The following ROCK1 variants were observed in gnomAD, a reference collection of about 807,000 sequenced individuals.
ROCK1 encodes rho-associated protein kinase 1.
In ROCK1, 36 loss-of-function variants were observed where a neutral mutation model predicts 196.8. That is an observed-to-expected ratio of 0.18 (90% CI 0.14 to 0.24). ROCK1 has a LOEUF of 0.24. Ranked by LOEUF, ROCK1 falls within the 10% of genes least tolerant of loss-of-function variation. The pLI, the probability that ROCK1 is intolerant of heterozygous loss-of-function variation, is 1.00. For missense variants in ROCK1, 920 were observed against 1,562.0 expected, an observed-to-expected ratio of 0.59 and a Z score of 6.93; for synonymous variants, 443 against 515.9, an observed-to-expected ratio of 0.86 and a Z score of 1.91.
chr18:21,045,899 GTTTTTTTTTTTT>G (rs34360056), intron 4 of ROCK1, among the ~76,000 whole-genome samples: 71 of 62,500 alleles, frequency 1.1e-3, no homozygotes, highest in South Asian at 3.9e-3. Context: ...AGTTTCAGCT[GTTTTTTTTTTTT>G]TTTTTTTTTT....
intron 10 of ROCK1, among the ~76,000 whole-genome samples, chr18:21,024,582 C>G (rs1391489217): frequency 6.6e-6 from 1 of 152,108 alleles, no homozygotes; most frequent in Non-Finnish European, 1.5e-5. Flanking sequence ...TACTTCATAG[C>G]TATTGGAGGC....
intron 1 of ROCK1, among the ~76,000 whole-genome samples, chr18:21,105,442 T>C (rs1194037565): frequency 6.6e-6 from 1 of 152,258 alleles, no homozygotes; most frequent in East Asian, 1.9e-4. Context: ...GAGATACAAC[T>C]TTAAGGCTCA....
intron 22 of ROCK1, among the ~76,000 whole-genome samples, chr18:20,975,678 T>C (rs1014812847): frequency 6.6e-6 from 1 of 152,206 alleles, no homozygotes; most frequent in Non-Finnish European, 1.5e-5. Flanking sequence ...TGGCACCATC[T>C]AGGCTCACTG....
At chr18:21,007,648 C>A (rs1457816007) in intron 14 of ROCK1, among the ~76,000 whole-genome samples, 2 of 152,080 alleles carry the variant, frequency 1.3e-5, no homozygotes, top group Non-Finnish European at 2.9e-5. Flanking sequence ...AGCATTAAAA[C>A]ACAAGAAATT....
In ROCK1 at chr18:21,042,815, T is replaced by C. The variant is rs1354845396; in HGVS notation, c.676-106A>G. On this transcript the variant is annotated intron_variant, in intron 6 of 32. Coordinates refer to ENST00000399799, the MANE Select transcript of ROCK1 (RefSeq NM_005406.3). ...TATGGGACTCCAAATCTTTGAGCTA[T>C]AAAATATCATATATTAAAACTGAAT... The C allele has an allele frequency of 8.4e-6, 9 of 1,072,548 alleles. No homozygotes were observed. In the South Asian group the frequency reaches 1.4e-4, roughly 16 times the overall value. 66.4% of individuals were successfully genotyped at this position (1,072,548 alleles called of 1,614,324 possible).
chr18:21,032,983 C>T lies in ROCK1; in HGVS notation c.1052-4048G>A, dbSNP rs1465100084. ...AGGCCAAGGGAGGGTGGCTTAAGAC[C>T]AGGAGTTTGAAACCAGTCTGGGCAA... On this transcript the variant is annotated intron_variant, in intron 9 of 32. Transcript: ENST00000399799. Among the ~76,000 whole-genome samples the T allele has an allele frequency of 3.9e-5, 6 of 151,966 alleles. No individual in the cohort carries two copies. The South Asian group carries it at 1.2e-3, about 31-fold the overall frequency.
chr18:21,090,105 T>C (rs1251239844), intron 1 of ROCK1, among the ~76,000 whole-genome samples: 1 of 152,276 alleles, frequency 6.6e-6, no homozygotes, highest in Non-Finnish European at 1.5e-5. Context: ...ATGGATCTTT[T>C]ATTCATGGAT....
At chr18:21,043,564 C>CAT (rs2036127841) in intron 6 of ROCK1, among the ~76,000 whole-genome samples, 1 of 139,426 alleles carries the variant, frequency 7.2e-6, no homozygotes, top group African/African-American at 2.9e-5. Context: ...TATGTATATA[C>CAT]ATATACATAA....
chr18:20,999,761 G>A lies in ROCK1; in HGVS notation c.1885+6590C>T, dbSNP rs544454693. Among the ~76,000 whole-genome samples the A allele has an allele frequency of 1.5e-3, 228 of 152,134 alleles. 8 individuals carry two copies. Among genetic ancestry groups the A allele is most frequent in the Non-Finnish European group, 5.6e-4 (38 of 68,024 alleles). On this transcript the variant is annotated intron_variant, in intron 16 of 32. Transcript: ENST00000399799. ...CCTCTGTCAGCCAGGCTGGAGCACT[G>A]GGACAACAGGCGTGCACCACCACAC...
chr18:20,959,184 T>TATATATAATATATATAATACATATA (rs2035300660), intron 29 of ROCK1, among the ~76,000 whole-genome samples: 4 of 65,932 alleles, frequency 6.1e-5, no homozygotes, highest in Non-Finnish European at 1.1e-4. Context: ...TATATAATAT[T>TATATATAATATATATAATACATATA]ATATATAATA....
chr18:21,043,433 A>G (rs1430060755), intron 6 of ROCK1, among the ~76,000 whole-genome samples: 1 of 151,798 alleles, frequency 6.6e-6, no homozygotes, highest in African/African-American at 2.4e-5. Context: ...GTTCTCATGC[A>G]GTGTTTCCTT....
At chr18:21,009,052 C>T (rs906961472) in intron 13 of ROCK1, among the ~76,000 whole-genome samples, 13 of 152,206 alleles carry the variant, frequency 8.5e-5, no homozygotes, top group Admixed American at 4.6e-4. Flanking sequence ...CACCCATCCC[C>T]GTCCTCCCAC....
At chr18:20,966,770 A>T in intron 27 of ROCK1, 147 bp downstream of exon 27, 1 of 633,802 alleles carries the variant, frequency 1.6e-6, no homozygotes, top group Non-Finnish European at 2.7e-6. Flanking sequence ...GTGTATAATC[A>T]TCATCAGGCC....
At chr18:20,966,375 A>G (rs2035374507) in intron 27 of ROCK1, among the ~76,000 whole-genome samples, 2 of 152,162 alleles carry the variant, frequency 1.3e-5, no homozygotes, top group African/African-American at 4.8e-5. Flanking sequence ...TCCTGCCTTT[A>G]TTTGACACCC....
At chr18:21,090,768 G>A (rs1034681508) in intron 1 of ROCK1, among the ~76,000 whole-genome samples, 1 of 152,116 alleles carries the variant, frequency 6.6e-6, no homozygotes, top group Non-Finnish European at 1.5e-5. Flanking sequence ...CTTATAATGT[G>A]CCAAGCAGGG....
At chr18:21,067,975 C>A (rs1395179935) in intron 2 of ROCK1, among the ~76,000 whole-genome samples, 1 of 152,148 alleles carries the variant, frequency 6.6e-6, no homozygotes, top group Non-Finnish European at 1.5e-5. Context: ...AAGGACTATT[C>A]TTTCTTCTTT....
intron 9 of ROCK1, among the ~76,000 whole-genome samples, chr18:21,033,430 G>A (rs1209386877): frequency 1.3e-5 from 2 of 152,012 alleles, no homozygotes; most frequent in Non-Finnish European, 2.9e-5. Context: ...AACAGACAAG[G>A]TGCCCACTTC....
rs1287423821 is a variant in ROCK1 at position 21,042,043 on chromosome 18, CA to C, written c.959+53del. ...TCAGATATGGACCTTAAAAATGGAG[CA>C]GAAGATGAGAAGTCCTCAGAATTAA... is the stretch of plus-strand genomic sequence containing the variant. On this transcript the variant is annotated intron_variant, in intron 8 of 32. Transcript: ENST00000399799. 1.3e-5 allele frequency: 19 copies of C among 1,508,652 alleles called. No individual in the cohort carries two copies. The East Asian group carries it at 4.5e-4, about 35-fold the overall frequency. The allele number at this position is 1,508,652 out of a possible 1,614,324, so 93.5% of individuals were successfully genotyped here.
chr18:21,051,747 T>G (rs1337748607), intron 2 of ROCK1, among the ~76,000 whole-genome samples: 1 of 152,166 alleles, frequency 6.6e-6, no homozygotes, highest in Non-Finnish European at 1.5e-5. Flanking sequence ...AGGTTAAAGG[T>G]GTCAGAGAAG....
Sources: gnomAD v4.1 joint callset for allele counts (sites outside exome capture counted in the v4.1 genomes callset) on GRCh38, gnomAD v4.1.1 for gene constraint, MANE v1.5 for transcripts, NCBI Gene and HGNC (gene_info 2026-07-23, HGNC 2026-07-21) for gene names.